HDGFL3: variants seen among roughly 807,000 people sequenced by gnomAD.
The protein encoded by HDGFL3 is hepatoma-derived growth factor-related protein 3.
HDGFL3 carries 6 observed loss-of-function variants against 27.6 expected under a neutral mutation model. That is an observed-to-expected ratio of 0.22 (90% CI 0.12 to 0.43). The LOEUF (loss-of-function observed/expected upper bound fraction) is 0.43. Among genes scored for constraint, HDGFL3 ranks in the 20% least tolerant of loss-of-function variants. The probability of loss-of-function intolerance (pLI) is 1.00; values close to 1 mark genes in which losing one functional copy is unlikely to be tolerated. For synonymous variants in HDGFL3, 88 were observed against 88.9 expected, an observed-to-expected ratio of 0.99 and a Z score of 0.05; for missense variants, 207 against 250.1, an observed-to-expected ratio of 0.83 and a Z score of 1.16.
chr15:83,160,888 A>G (rs1031608195), intron 2 of HDGFL3, among the ~76,000 whole-genome samples: 1 of 152,202 alleles, frequency 6.6e-6, no homozygotes, highest in Non-Finnish European at 1.5e-5. Context: ...AAGAAGCACC[A>G]AACTTTTAAG....
At chr15:83,125,483 C>T (rs1429441695), downstream of HDGFL3, among the ~76,000 whole-genome samples, 1 of 152,180 alleles carries the variant, frequency 6.6e-6, no homozygotes. Context: ...AATAACACTA[C>T]CTACCTTAAC....
At chr15:83,200,678 CAA>C (rs1164049956) in intron 1 of HDGFL3, among the ~76,000 whole-genome samples, 2 of 152,132 alleles carry the variant, frequency 1.3e-5, no homozygotes, top group South Asian at 4.2e-4. Context: ...TCCTATTTTA[CAA>C]AGAGGTTCAC....
In HDGFL3 at chr15:83,136,340, T is replaced by C. The variant is rs2036604064; in HGVS notation, c.*2930A>G. 7.5e-6 allele frequency: 4 copies of C among 535,258 alleles called. No individual in the cohort carries two copies. The East Asian group carries it at 9.2e-5, about 12-fold the overall frequency. 33.2% of individuals were successfully genotyped at this position (535,258 alleles called of 1,614,324 possible). ...AGACTCTGACATTAAAGACTCTGGA[T>C]TGTTTGAAGGTATTTTGCCTGCAGG... On this transcript the variant is annotated 3_prime_UTR_variant, in exon 6 of 6. Coordinates refer to ENST00000299633, the MANE Select transcript of HDGFL3 (RefSeq NM_016073.4).
At chr15:83,173,582 C>A (rs576726857) in intron 1 of HDGFL3, among the ~76,000 whole-genome samples, 1 of 152,088 alleles carries the variant, frequency 6.6e-6, no homozygotes, top group South Asian at 2.1e-4. Flanking sequence ...TCTAATCTAG[C>A]GATTTTTTAT....
At chr15:83,198,080 CAATT>C (rs1461876055) in intron 1 of HDGFL3, among the ~76,000 whole-genome samples, 1 of 88,600 alleles carries the variant, frequency 1.1e-5, no homozygotes, top group Non-Finnish European at 2.2e-5. Flanking sequence ...AAAAAGAAGC[CAATT>C]AATTATATAT....
intron 1 of HDGFL3, among the ~76,000 whole-genome samples, chr15:83,178,917 T>C (rs994120702): frequency 2.0e-5 from 3 of 152,168 alleles, no homozygotes; most frequent in African/African-American, 7.2e-5. Flanking sequence ...GACCTAAAGC[T>C]TGATATTAGT....
At chr15:83,158,985 G>A (rs1370553468) in intron 2 of HDGFL3, among the ~76,000 whole-genome samples, 3 of 151,964 alleles carry the variant, frequency 2.0e-5, no homozygotes, top group Non-Finnish European at 4.4e-5. Context: ...GGGATTACAG[G>A]CATGCTCCAT....
intron 1 of HDGFL3, among the ~76,000 whole-genome samples, chr15:83,180,066 T>C (rs895212212): frequency 1.2e-4 from 18 of 151,446 alleles, no homozygotes; most frequent in African/African-American, 4.1e-4. Context: ...AAACAGTAGA[T>C]GCCAAACCTA....
chr15:83,171,456 C>T (rs958097448), intron 1 of HDGFL3, among the ~76,000 whole-genome samples: 1 of 152,140 alleles, frequency 6.6e-6, no homozygotes, highest in Non-Finnish European at 1.5e-5. Flanking sequence ...ATGTTCACTG[C>T]AGCACTATTT....
At chr15:83,158,511 G>C (rs918463920) in intron 2 of HDGFL3, among the ~76,000 whole-genome samples, 6 of 152,098 alleles carry the variant, frequency 3.9e-5, no homozygotes, top group Admixed American at 1.3e-4. Flanking sequence ...TGCCTTCTGT[G>C]GTTTTAGTTA....
intron 1 of HDGFL3, chr15:83,189,558 TCTTA>T (rs891531731): frequency 1.3e-5 from 2 of 152,218 alleles, no homozygotes; most frequent in Non-Finnish European, 2.9e-5. Flanking sequence ...CATGCTAGCC[TCTTA>T]CTTTGCTTCA....
At chr15:83,203,351 C>CT (rs1200171507) in intron 1 of HDGFL3, among the ~76,000 whole-genome samples, 1 of 151,934 alleles carries the variant, frequency 6.6e-6, no homozygotes, top group African/African-American at 2.4e-5. Flanking sequence ...CAAGTTGACA[C>CT]TATTAATAGT....
chr15:83,151,421 A>G (rs766637199), intron 4 of HDGFL3, 60 bp from the exon 5 acceptor site: 29 of 1,427,996 alleles, frequency 2.0e-5, no homozygotes, highest in Non-Finnish European at 2.7e-5. Context: ...TGTACAAGTA[A>G]GAGATGCAGA....
chr15:83,193,290 T>C (rs2037533945), intron 1 of HDGFL3, among the ~76,000 whole-genome samples: 1 of 152,178 alleles, frequency 6.6e-6, no homozygotes, highest in Non-Finnish European at 1.5e-5. Flanking sequence ...ATAGACATTA[T>C]TCCAAAGAAG....
At chr15:83,160,125 A>G (rs2037080198) in intron 2 of HDGFL3, among the ~76,000 whole-genome samples, 3 of 152,142 alleles carry the variant, frequency 2.0e-5, no homozygotes, top group African/African-American at 4.8e-5. Flanking sequence ...AAGAGCATCA[A>G]GATTTGTTGA....
chr15:83,119,604 T>C, intron 3 of HDGFL3: 5 of 1,614,252 alleles, frequency 3.1e-6, no homozygotes, highest in Non-Finnish European at 4.2e-6. Context: ...ACACCGCATA[T>C]GGGCACATGA....
At chr15:83,157,290 TA>T in intron 4 of HDGFL3, 124 bp downstream of exon 4, 1 of 963,014 alleles carries the variant, frequency 1.0e-6, no homozygotes, top group Non-Finnish European at 1.6e-6. Flanking sequence ...ATTTTGTCCC[TA>T]AAGGCAGAGG....
chr15:83,151,188 T>C (rs768982901), intron 5 of HDGFL3, 27 bp downstream of exon 5: 2 of 1,598,554 alleles, frequency 1.3e-6, no homozygotes, highest in Admixed American at 3.5e-5. Flanking sequence ...TAATAGAAGG[T>C]AAGAGAAATT....
chr15:83,152,585 C>T (rs2151399573), intron 4 of HDGFL3, among the ~76,000 whole-genome samples: 1 of 151,152 alleles, frequency 6.6e-6, no homozygotes, highest in South Asian at 2.1e-4. Flanking sequence ...CCTGTAATCC[C>T]AGCTACTTGG....
Sources: gnomAD v4.1 joint callset for allele counts (sites outside exome capture counted in the v4.1 genomes callset) on GRCh38, gnomAD v4.1.1 for gene constraint, MANE v1.5 for transcripts, NCBI Gene and HGNC (gene_info 2026-07-23, HGNC 2026-07-21) for gene names.